Variants in WDR5 observed in about 807,000 individuals in gnomAD.
WDR5 encodes WD repeat-containing protein 5.
For synonymous variants in WDR5, 144 were observed against 161.6 expected, an observed-to-expected ratio of 0.89 and a Z score of 0.83; for missense variants, 187 against 416.9, an observed-to-expected ratio of 0.45 and a Z score of 4.80.
intron 7 of WDR5, among the ~76,000 whole-genome samples, chr9:134,146,862 C>T (rs372352832): frequency 1.3e-4 from 20 of 152,194 alleles, no homozygotes; most frequent in South Asian, 4.1e-4. Flanking sequence ...GAGAGGCTGC[C>T]GGCCAGATGG....
intron 1 of WDR5, among the ~76,000 whole-genome samples, chr9:134,136,747 ACCTGT>A (rs1458757659): frequency 6.6e-6 from 1 of 152,012 alleles, no homozygotes; most frequent in Non-Finnish European, 1.5e-5. Flanking sequence ...GGGGCCGCAG[ACCTGT>A]CCTGGCCGGT....
At chr9:134,147,187 C>T (rs1015938264) in intron 7 of WDR5, among the ~76,000 whole-genome samples, 2 of 152,228 alleles carry the variant, frequency 1.3e-5, no homozygotes, top group Non-Finnish European at 2.9e-5. Context: ...TCTAATGTAG[C>T]TTCTAGAACA....
intron 4 of WDR5, 100 bp from the exon 5 acceptor site, chr9:134,141,846 GAGA>G (rs1272137564): frequency 8.4e-7 from 1 of 1,196,416 alleles, no homozygotes; most frequent in African/African-American, 1.5e-5. Context: ...TAACACTAGT[GAGA>G]AGATTTCCTG....
intron 8 of WDR5, among the ~76,000 whole-genome samples, chr9:134,149,030 G>C (rs1832357432): frequency 6.6e-6 from 1 of 152,100 alleles, no homozygotes; most frequent in Non-Finnish European, 1.5e-5. Context: ...GGGAGGAGGA[G>C]GACGGTGGCA....
At chr9:134,152,257 C>G (rs1179274968) in intron 9 of WDR5, among the ~76,000 whole-genome samples, 1 of 152,256 alleles carries the variant, frequency 6.6e-6, no homozygotes, top group South Asian at 2.1e-4. Context: ...CTTGGGCCAG[C>G]CTGGGGCTCC....
chr9:134,140,914 C>A, intron 3 of WDR5, 103 bp downstream of exon 3: 1 of 1,082,290 alleles, frequency 9.2e-7, no homozygotes, highest in Non-Finnish European at 1.4e-6. Flanking sequence ...GCTGGGGAGA[C>A]GTAGCAGGCC....
intron 10 of WDR5, 91 bp downstream of exon 10, chr9:134,154,632 G>T (rs1014782500): frequency 7.6e-6 from 11 of 1,445,366 alleles, no homozygotes; most frequent in Admixed American, 7.0e-5. Context: ...AGAGCGTGTT[G>T]TGGGCTTGGC....
rs1001160433 is a variant in WDR5 at position 134,136,977 on chromosome 9, T to C, written c.-59+777T>C. Among the ~76,000 whole-genome samples the C allele has an allele frequency of 6.3e-4, 96 of 152,342 alleles. 1 individual carries two copies. Among genetic ancestry groups the C allele is most frequent in the African/African-American group, 2.1e-3 (89 of 41,584 alleles). ...AAGCGAAGGACCCAGGCGGGGAGCC[T>C]GTCCAGGATCTCAGATAGGGAGAGC... On this transcript the variant is annotated intron_variant, in intron 1 of 13. Coordinates refer to ENST00000358625, the MANE Select transcript of WDR5 (RefSeq NM_017588.3).
At chr9:134,154,967 G>A (rs1005256604) in intron 10 of WDR5, among the ~76,000 whole-genome samples, 10 of 152,192 alleles carry the variant, frequency 6.6e-5, no homozygotes, top group Admixed American at 1.3e-4. Context: ...CTGTGGGTCC[G>A]AGCCTGGGCC....
At chr9:134,146,040 C>G (rs1194273939) in intron 7 of WDR5, among the ~76,000 whole-genome samples, 2 of 151,530 alleles carry the variant, frequency 1.3e-5, no homozygotes, top group Non-Finnish European at 1.5e-5. Flanking sequence ...TCTCAGCTCA[C>G]TGCAAGCTCC....
chr9:134,141,046 G>A (rs1454621305), intron 3 of WDR5, among the ~76,000 whole-genome samples: 2 of 152,182 alleles, frequency 1.3e-5, no homozygotes, highest in Non-Finnish European at 2.9e-5. Context: ...CACTTTGGGA[G>A]GCAGAGGCAG....
intron 3 of WDR5, 122 bp downstream of exon 3, chr9:134,140,933 G>C (rs970725743): frequency 2.3e-6 from 2 of 886,648 alleles, no homozygotes; most frequent in Admixed American, 2.0e-5. Context: ...CCGCTGGGGG[G>C]CACGTAGCAG....
At chr9:134,142,256 G>A in intron 5 of WDR5, 77 bp from the exon 6 acceptor site, 1 of 1,486,558 alleles carries the variant, frequency 6.7e-7, no homozygotes. Context: ...TGGGATGTCA[G>A]ACATTGATGA....
At chr9:134,143,808 C>T (rs1832024895) in intron 7 of WDR5, among the ~76,000 whole-genome samples, 1 of 150,928 alleles carries the variant, frequency 6.6e-6, no homozygotes, top group South Asian at 2.1e-4. Flanking sequence ...AGTCACTGCG[C>T]CCGGCCAAAA....
chr9:134,149,521 G>A (rs534648256), intron 8 of WDR5, among the ~76,000 whole-genome samples: 1 of 152,326 alleles, frequency 6.6e-6, no homozygotes, highest in South Asian at 2.1e-4. Flanking sequence ...AGCTATGGGC[G>A]AGCGTGGAGC....
intron 7 of WDR5, among the ~76,000 whole-genome samples, chr9:134,146,663 G>A (rs1832218284): frequency 1.3e-5 from 2 of 152,242 alleles, no homozygotes; most frequent in Admixed American, 6.5e-5. Flanking sequence ...TTGCCAGTGG[G>A]TAGTATTTGG....
intron 6 of WDR5, 79 bp downstream of exon 6, chr9:134,142,501 G>A: frequency 6.3e-7 from 1 of 1,575,700 alleles, no homozygotes; most frequent in Non-Finnish European, 8.7e-7. Flanking sequence ...TGTAGCCACT[G>A]TGGAGAAGGC....
intron 10 of WDR5, among the ~76,000 whole-genome samples, 157 bp downstream of exon 10, chr9:134,154,698 G>A (rs924932496): frequency 1.3e-5 from 2 of 152,198 alleles, no homozygotes; most frequent in Non-Finnish European, 2.9e-5. Context: ...CTGTTAGGTC[G>A]GAGGGCAGGC....
rs1012384994 is a variant in WDR5, at chr9:134,142,923, G to A, written c.528+204G>A. Among the ~76,000 whole-genome samples, 44 of 152,194 alleles carry A rather than the reference G, an allele frequency of 2.9e-4. 3 individuals are homozygous for A. Among genetic ancestry groups the A allele is most frequent in the Non-Finnish European group, 1.5e-5 (1 of 68,036 alleles). On this transcript the variant is annotated intron_variant, in intron 7 of 13. Coordinates refer to ENST00000358625, the MANE Select transcript of WDR5 (RefSeq NM_017588.3). ...CTGTGTGCAGTGGAGGGATGGCGAG[G>A]GGGTGGTGAGGTGTCAGTGGGGTGC...
Sources: allele counts gnomAD v4.1 joint callset (sites outside exome capture counted in the v4.1 genomes callset), GRCh38; gene constraint gnomAD v4.1.1; transcripts MANE v1.5; gene names NCBI Gene and HGNC (gene_info 2026-07-23, HGNC 2026-07-21).